ILDR2: variants seen among roughly 807,000 people sequenced by gnomAD.
The protein encoded by ILDR2 is immunoglobulin-like domain-containing receptor 2.
ILDR2 carries 25 observed loss-of-function variants against 66.8 expected under a neutral mutation model. That is an observed-to-expected ratio of 0.37 (90% confidence interval 0.27 to 0.52). The LOEUF (loss-of-function observed/expected upper bound fraction) is 0.52. Among genes scored for constraint, ILDR2 ranks in the 20% least tolerant of loss-of-function variants. The pLI is 0.88. For missense variants in ILDR2, 827 were observed against 876.8 expected (o/e 0.94, Z 0.72); for synonymous variants, 367 against 357.2 (o/e 1.03, Z -0.31).
chr1:166,958,178 C>T (rs1020485840), intron 1 of ILDR2, 77 bp from the exon 2 acceptor site: 1 of 1,201,072 alleles, frequency 8.3e-7, no homozygotes, highest in Non-Finnish European at 1.2e-6. Context: ...CACACCTTTC[C>T]ATTTCACTTC....
intron 3 of ILDR2, among the ~76,000 whole-genome samples, chr1:166,953,851 A>G (rs1662124012): frequency 6.6e-6 from 1 of 152,234 alleles, no homozygotes; most frequent in Admixed American, 6.5e-5. Flanking sequence ...CCTGTGCATA[A>G]GTACCTCCAG....
At position 166,958,095 on chromosome 1, in the gene ILDR2, A is replaced by C. The variant is rs1662389830; in HGVS notation, c.53T>G (p.Val18Gly). 6.2e-7 allele frequency: 1 copy of C among 1,607,182 alleles called. No individual in the cohort carries two copies. The highest frequency in any genetic ancestry group is 8.5e-7 in the Non-Finnish European group (1 of 1,174,406). Residue 18 changes from valine (V) to glycine (G), a missense_variant, in exon 2 of 10, where the codon GTC becomes GGC. Around this residue, in one of 2 missense-constraint regions of ILDR2, gnomAD observed 437 missense variants for 523.2 expected, o/e 0.84. Transcript: ENST00000271417. ...WISLFWLTAM[V>G]EGLQVTVPDK... ...GGGCACTGTGACCTGAAGGCCTTCG[A>C]CCATGGCTGCAAAACAGAATAAACA...
At chr1:166,940,602 A>G (rs1388311229) in intron 3 of ILDR2, among the ~76,000 whole-genome samples, 2 of 152,238 alleles carry the variant, frequency 1.3e-5, no homozygotes, top group Non-Finnish European at 2.9e-5. Context: ...ACAGAAATAT[A>G]ATGCAAGCAA....
chr1:166,974,784 C>A (rs959462402), intron 1 of ILDR2, among the ~76,000 whole-genome samples: 1 of 152,234 alleles, frequency 6.6e-6, no homozygotes, highest in East Asian at 1.9e-4. Context: ...AGTCCTCTAG[C>A]CTCCACCTCC....
intron 1 of ILDR2, among the ~76,000 whole-genome samples, chr1:166,974,357 G>C (rs1663471731): frequency 6.6e-6 from 1 of 152,180 alleles, no homozygotes; most frequent in Non-Finnish European, 1.5e-5. Flanking sequence ...CCAAGGCCCT[G>C]TATCCCTATG....
At chr1:166,939,467 T>C in intron 4 of ILDR2, 47 bp downstream of exon 4, 1 of 1,498,600 alleles carries the variant, frequency 6.7e-7, no homozygotes, top group Non-Finnish European at 9.3e-7. Flanking sequence ...GCAAGACAGA[T>C]GGAATAACAG....
chr1:166,947,871 G>A (rs920407863), intron 3 of ILDR2, among the ~76,000 whole-genome samples: 21 of 152,154 alleles, frequency 1.4e-4, no homozygotes, highest in Non-Finnish European at 2.9e-4. Context: ...TGCGAGGAGG[G>A]GGCGGCGGGC....
chr1:166,952,285 T>G (rs1421234038), intron 3 of ILDR2, among the ~76,000 whole-genome samples: 1 of 152,194 alleles, frequency 6.6e-6, no homozygotes, highest in Admixed American at 6.5e-5. Context: ...GGCAGATTTC[T>G]AGACACTCCC....
chr1:166,949,546 T>C (rs531389479), intron 3 of ILDR2, among the ~76,000 whole-genome samples: 1 of 152,322 alleles, frequency 6.6e-6, no homozygotes, highest in Non-Finnish European at 1.5e-5. Flanking sequence ...CTCCACTCCA[T>C]GGTGCCTATC....
chr1:166,968,104 C>A (rs1016827399), intron 1 of ILDR2, among the ~76,000 whole-genome samples: 2 of 152,172 alleles, frequency 1.3e-5, no homozygotes, highest in African/African-American at 4.8e-5. Flanking sequence ...CACTGTCTTG[C>A]TCTCATTCTT....
At position 166,913,185 on chromosome 1, in the gene ILDR2, A is replaced by T. The variant is rs939968782; in HGVS notation, c.*6170T>A. ...ATGATTAACCATAGTTGTGTTAATT[A>T]TGAGTTCTTGGTAACAAATGTAGGT... On this transcript the variant is annotated 3_prime_UTR_variant, in exon 10 of 10. Transcript: ENST00000271417. 6.6e-6 allele frequency: 1 copy of T among 152,222 alleles called. No homozygotes were observed. Among genetic ancestry groups the T allele is most frequent in the Non-Finnish European group, 1.5e-5 (1 of 68,042 alleles). 9.4% of individuals were successfully genotyped at this position (152,222 alleles called of 1,614,324 possible).
In ILDR2 at chr1:166,975,521, C is replaced by T. The variant is rs1312643550; in HGVS notation, c.-253G>A. ...GGCGCATCCGCATGCCCAGGCAGCGCGGCACGGGGCGAGCGTCTCCCCGCC... is the reference window on the plus strand; with the variant it reads ...GGCGCATCCGCATGCCCAGGCAGCGTGGCACGGGGCGAGCGTCTCCCCGCC... On this transcript the variant is annotated 5_prime_UTR_variant, in exon 1 of 10. Transcript: ENST00000271417. The T allele has an allele frequency of 1.4e-5, 2 of 145,776 alleles. No homozygotes were observed. The highest frequency in any genetic ancestry group is 3.0e-5 in the Non-Finnish European group (2 of 65,856). The allele number at this position is 145,776 out of a possible 1,614,324, so 9.0% of individuals were successfully genotyped here.
rs1288357315 is a variant in ILDR2, at chr1:166,914,000, AC to A, written c.*5354del. ...CGTGGTGGCATATATCTGTAGTCCT[AC>A]CTACTTGGGAGGCTGAGGGAGGAGG... On this transcript the variant is annotated 3_prime_UTR_variant, in exon 10 of 10. Transcript: ENST00000271417. 4.6e-5 allele frequency: 7 copies of A among 152,028 alleles called. No homozygotes were observed. The highest frequency in any genetic ancestry group is 2.1e-4 in the South Asian group (1 of 4,812). 9.4% of individuals were successfully genotyped at this position (152,028 alleles called of 1,614,324 possible).
chr1:166,955,566 G>T (rs1662228362), intron 3 of ILDR2, among the ~76,000 whole-genome samples: 1 of 152,164 alleles, frequency 6.6e-6, no homozygotes. Flanking sequence ...TTGAGCCACT[G>T]CAATCCATCC....
intron 3 of ILDR2, among the ~76,000 whole-genome samples, chr1:166,940,707 A>G (rs1011881783): frequency 2.0e-5 from 3 of 152,248 alleles, no homozygotes; most frequent in Non-Finnish European, 4.4e-5. Context: ...TGTGACTATC[A>G]CTAAAATATT....
rs1659414125 is a variant in ILDR2, at chr1:166,909,407, G to A, written c.*9948C>T. Reference sequence around the variant, plus strand: ...TCAGTTCCTACAGCTCTTCCAGCCTGTGAGCTACTCCAGGATCTCTCTAAT... The same window carrying A: ...TCAGTTCCTACAGCTCTTCCAGCCTATGAGCTACTCCAGGATCTCTCTAAT... On this transcript the variant is annotated 3_prime_UTR_variant, in exon 10 of 10. Transcript: ENST00000271417. The A allele has an allele frequency of 6.6e-6, 1 of 152,102 alleles. No homozygotes were observed. Among genetic ancestry groups the A allele is most frequent in the South Asian group, 2.1e-4 (1 of 4,826 alleles). The allele number at this position is 152,102 out of a possible 1,614,324, so 9.4% of individuals were successfully genotyped here.
chr1:166,899,253 C>T (rs927135579), intron 2 of ILDR2, among the ~76,000 whole-genome samples: 2 of 151,722 alleles, frequency 1.3e-5, no homozygotes, highest in African/African-American at 4.8e-5. Context: ...ATTGGCCGGG[C>T]ATAGTGGTGG....
At chr1:166,938,528 A>ATTTGT (rs780655465) in intron 4 of ILDR2, among the ~76,000 whole-genome samples, 1 of 152,352 alleles carries the variant, frequency 6.6e-6, no homozygotes, top group South Asian at 2.1e-4. Flanking sequence ...AGAGGCATAC[A>ATTTGT]TTTGTGTCCT....
chr1:166,900,866 T>C (rs778456576), intron 2 of ILDR2, among the ~76,000 whole-genome samples: 4 of 152,242 alleles, frequency 2.6e-5, no homozygotes, highest in Non-Finnish European at 5.9e-5. Context: ...TACTTTTATA[T>C]TAAAACTCCA....
Sources: gnomAD v4.1 joint callset for allele counts (sites outside exome capture counted in the v4.1 genomes callset) on GRCh38, gnomAD v4.1.1 for gene constraint, gnomAD v4.1.1 regional missense constraint, MANE v1.5 for transcripts, NCBI Gene and HGNC (gene_info 2026-07-23, HGNC 2026-07-21) for gene names.